The following MAPK8 variants were observed in gnomAD, a reference collection of about 807,000 sequenced individuals.
MAPK8 encodes the protein mitogen-activated protein kinase 8.
Under a neutral mutation model 52.9 loss-of-function variants are expected in MAPK8, and 13 were observed. The observed-to-expected ratio is 0.25, with a 90% CI of 0.16 to 0.39. The LOEUF is 0.39. MAPK8 is among the 10% of genes least tolerant of loss of function. MAPK8 has a pLI of 1.00. For synonymous variants in MAPK8, 191 were observed against 169.8 expected, an observed-to-expected ratio of 1.12 and a Z score of -0.97; for missense variants, 300 against 519.2, an observed-to-expected ratio of 0.58 and a Z score of 4.10.
chr10:48,378,830 A>G lies in MAPK8; in HGVS notation c.-49-22782A>G, dbSNP rs140840729. Among the ~76,000 whole-genome samples, 319 of 152,204 alleles carry G rather than the reference A, an allele frequency of 2.1e-3. 2 individuals carry two copies. Among genetic ancestry groups the G allele is most frequent in the African/African-American group, 7.1e-3 (296 of 41,548 alleles). ...ACTCAGGCTGTTGTGCAGTGGCATG[A>G]TTATAGCTCATTGCAGCCTTGAATT... On this transcript the variant is annotated intron_variant, in intron 1 of 11. Coordinates refer to ENST00000374189, the MANE Select transcript of MAPK8 (RefSeq NM_001323329.2).
Position 48,420,307 on chromosome 10 carries a change from C to G in MAPK8, c.603C>G (p.Gly201=). ...CACCCGAGGTCATCCTTGGCATGGG[C>G]TACAAGGAAAACGGTCAGCACACAC... The part of the protein sequence containing the change: ...YRAPEVILGM[G]YKENVDLWSV... The change falls in exon 6 of 12, where the codon GGC becomes GGG. Residue 201 remains glycine (G), a synonymous_variant. Coordinates refer to ENST00000374189, the MANE Select transcript of MAPK8 (RefSeq NM_001323329.2). The G allele has an allele frequency of 6.2e-7, 1 of 1,608,206 alleles. No homozygotes were observed. The highest frequency in any genetic ancestry group is 2.2e-5 in the East Asian group (1 of 44,826).
intron 1 of MAPK8, among the ~76,000 whole-genome samples, chr10:48,382,954 A>G (rs199599481): frequency 1.4e-4 from 17 of 121,224 alleles, no homozygotes; most frequent in South Asian, 5.1e-4. Context: ...ATATATATGT[A>G]TATATATATA....
chr10:48,332,733 A>G (rs1844277112), intron 1 of MAPK8, among the ~76,000 whole-genome samples: 1 of 152,188 alleles, frequency 6.6e-6, no homozygotes, highest in Non-Finnish European at 1.5e-5. Flanking sequence ...GCTGGAAGCA[A>G]GAGGCTTTCT....
intron 1 of MAPK8, among the ~76,000 whole-genome samples, chr10:48,311,470 G>A (rs1054047535): frequency 3.9e-5 from 6 of 152,148 alleles, no homozygotes; most frequent in African/African-American, 9.7e-5. Flanking sequence ...CCACTTTCAC[G>A]ATTTTTTGCC....
chr10:48,412,833 A>T (rs1160449640), intron 5 of MAPK8, among the ~76,000 whole-genome samples: 3 of 152,208 alleles, frequency 2.0e-5, no homozygotes, highest in Non-Finnish European at 4.4e-5. Flanking sequence ...TTAAATCTAC[A>T]GTTCTGTGGC....
At chr10:48,358,187 G>A (rs1049170385) in intron 1 of MAPK8, among the ~76,000 whole-genome samples, 1 of 152,170 alleles carries the variant, frequency 6.6e-6, no homozygotes, top group Non-Finnish European at 1.5e-5. Context: ...CCCCTGACTG[G>A]AATTGCTGGG....
rs1439074283 is a variant in MAPK8, at chr10:48,306,721, G to T, written c.-150G>T. The T allele has an allele frequency of 6.6e-6, 1 of 151,430 alleles. No homozygotes were observed. The highest frequency in any genetic ancestry group is 1.5e-5 in the Non-Finnish European group (1 of 67,768). The allele number at this position is 151,430 out of a possible 1,614,324, so 9.4% of individuals were successfully genotyped here. A position where few individuals can be genotyped will look rare whatever the true frequency, so the allele number is the denominator to read the frequency against. On this transcript the variant is annotated 5_prime_UTR_variant, in exon 1 of 12. Transcript: ENST00000374189. ...GAGGCCGGACGACGCGGCTTGGATT[G>T]CGGAGCCGCGAGCAGCGCTGGGTAA...
intron 1 of MAPK8, among the ~76,000 whole-genome samples, chr10:48,343,970 A>G (rs1845533503): frequency 6.6e-6 from 1 of 152,222 alleles, no homozygotes; most frequent in Admixed American, 6.5e-5. Flanking sequence ...TTTGCAAGAC[A>G]GGAATCTAAG....
At chr10:48,370,917 G>A (rs117190369) in intron 1 of MAPK8, among the ~76,000 whole-genome samples, 81 of 152,192 alleles carry the variant, frequency 5.3e-4, no homozygotes, top group Non-Finnish European at 7.5e-4. Context: ...AAGTGGTAAG[G>A]TCTACTTAGA....
intron 1 of MAPK8, among the ~76,000 whole-genome samples, chr10:48,394,490 C>G (rs1326937629): frequency 6.6e-6 from 1 of 151,810 alleles, no homozygotes; most frequent in African/African-American, 2.4e-5. Context: ...AGAAAGAAAA[C>G]TATATGATTA....
At chr10:48,326,083 A>G (rs1843491936) in intron 1 of MAPK8, 2 of 152,124 alleles carry the variant, frequency 1.3e-5, no homozygotes, top group African/African-American at 2.4e-5. Flanking sequence ...TCATACTGTA[A>G]TACTGGGGAA....
intron 6 of MAPK8, among the ~76,000 whole-genome samples, chr10:48,421,780 G>A (rs1036189891): frequency 6.6e-6 from 1 of 151,936 alleles, no homozygotes; most frequent in Non-Finnish European, 1.5e-5. Flanking sequence ...TTCCAGCCTG[G>A]GCGACAAAGC....
At chr10:48,330,674 A>T (rs1239473735) in intron 1 of MAPK8, among the ~76,000 whole-genome samples, 1 of 152,158 alleles carries the variant, frequency 6.6e-6, no homozygotes, top group Non-Finnish European at 1.5e-5. Flanking sequence ...TACAGCAGGT[A>T]ATTTATCTCC....
intron 2 of MAPK8, among the ~76,000 whole-genome samples, chr10:48,403,193 C>A (rs10857562): frequency 0.5 from 76,522 of 151,990 alleles, 19,871 homozygotes; most frequent in Middle Eastern, 0.72. Flanking sequence ...GGCGCGGTGG[C>A]TCACGCCTAT....
intron 3 of MAPK8, among the ~76,000 whole-genome samples, chr10:48,409,306 T>TAA (rs953759929): frequency 6.6e-6 from 1 of 152,164 alleles, no homozygotes; most frequent in Non-Finnish European, 1.5e-5. Context: ...CCTTCTTTTG[T>TAA]AAAAGAGAGG....
rs12261489 is a variant in MAPK8, at chr10:48,307,485, G to T, written c.-50+664G>T. 2.9e-3 allele frequency among the ~76,000 whole-genome samples: 437 copies of T among 152,244 alleles called. 6 individuals carry two copies. Among genetic ancestry groups the T allele is most frequent in the African/African-American group, 0.01 (421 of 41,556 alleles). On this transcript the variant is annotated intron_variant, in intron 1 of 11. Coordinates refer to ENST00000374189, the MANE Select transcript of MAPK8 (RefSeq NM_001323329.2). The stretch of plus-strand genomic sequence containing the variant: ...TGGTCAGCGCGCATTTCTCTTGAGG[G>T]TCATCGGTGGTGACCTTTTGACTTT...
At chr10:48,430,799 A>C in intron 10 of MAPK8, 2 of 212,672 alleles carry the variant, frequency 9.4e-6, no homozygotes, top group Non-Finnish European at 1.8e-5. Flanking sequence ...GCTCTATTCC[A>C]GGGCCCAGGA....
At chr10:48,328,904 G>T (rs987497403) in intron 1 of MAPK8, among the ~76,000 whole-genome samples, 1 of 152,076 alleles carries the variant, frequency 6.6e-6, no homozygotes, top group Non-Finnish European at 1.5e-5. Context: ...TTGAGGATGC[G>T]GTATTCTGAA....
chr10:48,306,698 G>A lies in MAPK8; in HGVS notation c.-173G>A, dbSNP rs1236363390. On this transcript the variant is annotated 5_prime_UTR_variant, in exon 1 of 12. Coordinates refer to ENST00000374189, the MANE Select transcript of MAPK8 (RefSeq NM_001323329.2). ...CTCTGTTACTCAGCCGAGCGGCCGA[G>A]GCCGGACGACGCGGCTTGGATTGCG... The A allele has an allele frequency of 6.6e-6, 1 of 151,340 alleles. No homozygotes were observed. Among genetic ancestry groups the A allele is most frequent in the African/African-American group, 2.4e-5 (1 of 41,356 alleles). 9.4% of individuals were successfully genotyped at this position (151,340 alleles called of 1,614,324 possible). A position where few individuals can be genotyped will look rare whatever the true frequency, so the allele number is the denominator to read the frequency against.
Sources: allele counts gnomAD v4.1 joint callset (sites outside exome capture counted in the v4.1 genomes callset), GRCh38; gene constraint gnomAD v4.1.1; transcripts MANE v1.5; gene names NCBI Gene and HGNC (gene_info 2026-07-23, HGNC 2026-07-21).